Variants in UNC13C observed in about 807,000 individuals in gnomAD.
UNC13C encodes the protein unc-13 homolog C, also known as protein unc-13 homolog C.
A neutral mutation model predicts 245.4 loss-of-function variants in UNC13C; 174 were observed. The observed-to-expected ratio is 0.71, with a 90% CI of 0.63 to 0.80. UNC13C has a LOEUF of 0.80. UNC13C is among the 30% of genes least tolerant of loss of function. The probability of loss-of-function intolerance (pLI) is 0.00; values close to 1 mark genes in which losing one functional copy is unlikely to be tolerated. For missense variants in UNC13C, 2,829 were observed against 2,602.9 expected, an observed-to-expected ratio of 1.09 and a Z score of -1.89; for synonymous variants, 992 against 895.1, an observed-to-expected ratio of 1.11 and a Z score of -1.93.
chr15:54,426,250 T>G (rs963121018), intron 19 of UNC13C, among the ~76,000 whole-genome samples: 1 of 150,720 alleles, frequency 6.6e-6, no homozygotes, highest in African/African-American at 2.4e-5. Context: ...TCTTACAGGC[T>G]GAAATGAAAG....
At chr15:54,022,485 T>C (rs528660928) in intron 2 of UNC13C, among the ~76,000 whole-genome samples, 1 of 152,288 alleles carries the variant, frequency 6.6e-6, no homozygotes, top group Non-Finnish European at 1.5e-5. Flanking sequence ...CTTTGTGGTT[T>C]TAATTTGCAT....
chr15:54,217,221 G>C (rs1471943395), intron 4 of UNC13C, among the ~76,000 whole-genome samples: 1 of 150,184 alleles, frequency 6.7e-6, no homozygotes, highest in Non-Finnish European at 1.5e-5. Flanking sequence ...ACTTGGTGGA[G>C]TCATCTGTGA....
At chr15:53,900,474 T>C in the UNC13C span, among the ~76,000 whole-genome samples, 4 of 152,218 alleles carry the variant, frequency 2.6e-5, no homozygotes, top group Non-Finnish European at 4.4e-5. Flanking sequence ...GTTTATTTAC[T>C]GTAAACAATA....
rs1402213973 is a variant in UNC13C, at chr15:54,302,312, A to C, written c.4268+1939A>C. Among the ~76,000 whole-genome samples, 11 of 152,246 alleles carry C rather than the reference A, an allele frequency of 7.2e-5. No homozygotes were observed. In the East Asian group the frequency reaches 2.1e-3, roughly 29 times the overall value. ...TAGTTTAATTAGATCCCATTTGTCA[A>C]TTTTGGCTTTTGTTGCCACTGCTTT... On this transcript the variant is annotated intron_variant, in intron 13 of 32. Coordinates refer to ENST00000260323, the MANE Select transcript of UNC13C (RefSeq NM_001080534.3).
chr15:54,575,732 C>G (rs1596599090), intron 30 of UNC13C, among the ~76,000 whole-genome samples: 2 of 152,222 alleles, frequency 1.3e-5, no homozygotes, highest in South Asian at 2.1e-4. Context: ...ATTGGCTAAG[C>G]TTGTCAGAGA....
At chr15:54,605,221 G>A (rs1368905942) in intron 30 of UNC13C, among the ~76,000 whole-genome samples, 1 of 152,188 alleles carries the variant, frequency 6.6e-6, no homozygotes, top group Non-Finnish European at 1.5e-5. Context: ...TGAATGGCCC[G>A]TTAATCAGTC....
chr15:54,095,615 A>G (rs974256378), intron 2 of UNC13C, among the ~76,000 whole-genome samples: 2 of 152,208 alleles, frequency 1.3e-5, no homozygotes, highest in South Asian at 2.1e-4. Context: ...GTCTCATCCC[A>G]GACCTACTGA....
At chr15:53,977,322 G>A (rs1007919007), upstream of UNC13C, among the ~76,000 whole-genome samples, 5 of 152,090 alleles carry the variant, frequency 3.3e-5, no homozygotes, top group Non-Finnish European at 7.4e-5. Context: ...GAAATGTTTT[G>A]CCACAAGTTT....
chr15:53,961,276 T>A, the UNC13C span, among the ~76,000 whole-genome samples: 1 of 152,236 alleles, frequency 6.6e-6, no homozygotes, highest in Non-Finnish European at 1.5e-5. Flanking sequence ...GCCTTGGTGC[T>A]CTTATTCCTT....
At chr15:54,326,270 G>T (rs2038295600) in intron 14 of UNC13C, among the ~76,000 whole-genome samples, 1 of 152,056 alleles carries the variant, frequency 6.6e-6, no homozygotes, top group Admixed American at 6.6e-5. Flanking sequence ...GGTTGCAGAG[G>T]GGAAGGGGGT....
chr15:54,060,037 C>A (rs146189386), intron 2 of UNC13C, among the ~76,000 whole-genome samples: 2,137 of 152,224 alleles, frequency 0.014, 52 homozygotes, highest in African/African-American at 0.048. Flanking sequence ...TAGGCAATAC[C>A]ATTCAGGACA....
the UNC13C span, among the ~76,000 whole-genome samples, chr15:53,866,659 C>A: frequency 1.3e-5 from 2 of 152,144 alleles, no homozygotes; most frequent in Non-Finnish European, 2.9e-5. Flanking sequence ...CCAATCCAAT[C>A]GAATCTTCGA....
In UNC13C at chr15:54,338,486, C is replaced by T. The variant is rs769868024; in HGVS notation, c.4710C>T (p.Asp1570=). 19 of 1,612,376 alleles carry T rather than the reference C, an allele frequency of 1.2e-5. No individual in the cohort carries two copies. The South Asian group carries it at 2.0e-4, about 17-fold the overall frequency. ...ATGAACTCTACTCCCAGCTAACAGA[C>T]CCGGTAAGAAAATATGTATGTCTTT... is the stretch of plus-strand genomic sequence containing the variant. ...NCHELYSQLT[D]PSKKQDIPRE... Residue 1570 remains aspartate (D), a synonymous_variant, in exon 17 of 33, where the codon GAC becomes GAT. Coordinates refer to ENST00000260323, the MANE Select transcript of UNC13C (RefSeq NM_001080534.3).
At chr15:54,409,539 C>T (rs182198746) in intron 18 of UNC13C, among the ~76,000 whole-genome samples, 4,663 of 152,166 alleles carry the variant, frequency 0.031, 186 homozygotes, top group Admixed American at 0.12. Flanking sequence ...CCACCCTCCA[C>T]CCTCAAGGAG....
intron 20 of UNC13C, among the ~76,000 whole-genome samples, chr15:54,498,723 A>G (rs897194108): frequency 2.6e-5 from 4 of 152,186 alleles, no homozygotes; most frequent in African/African-American, 9.6e-5. Flanking sequence ...TTTTCAAGCA[A>G]CTATAAAATA....
At chr15:54,616,134 TTCTCAGCAACACAC>T (rs1900416497) in intron 30 of UNC13C, among the ~76,000 whole-genome samples, 2 of 152,182 alleles carry the variant, frequency 1.3e-5, no homozygotes, top group African/African-American at 4.8e-5. Context: ...TCTCATCAAT[TTCTCAGCAACACAC>T]TTCAGCAAAC....
rs1896460213 is a variant in UNC13C, at chr15:54,033,713, A to G, written c.2983+17827A>G. Among the ~76,000 whole-genome samples, 3 of 152,138 alleles carry G rather than the reference A, an allele frequency of 2.0e-5. No individual in the cohort carries two copies. The South Asian group carries it at 6.2e-4, about 32-fold the overall frequency. ...AAGCCAAAACCCAGAGATATTATGT[A>G]CCTGGGTAATTTTTAAATGTTAGGA... On this transcript the variant is annotated intron_variant, in intron 2 of 32. Transcript: ENST00000260323.
At position 54,098,338 on chromosome 15, in the gene UNC13C, C is replaced by T. The variant is rs557378254; in HGVS notation, c.2984-44680C>T. ...TACAGGCAAGTGCCACCACGCCTGG[C>T]TAATTTTTGTATTTTTAGTAGAGAC... On this transcript the variant is annotated intron_variant, in intron 2 of 32. Coordinates refer to ENST00000260323, the MANE Select transcript of UNC13C (RefSeq NM_001080534.3). 2.0e-5 allele frequency among the ~76,000 whole-genome samples: 3 copies of T among 152,212 alleles called. No homozygotes were observed. The South Asian group carries it at 6.2e-4, about 32-fold the overall frequency.
intron 2 of UNC13C, among the ~76,000 whole-genome samples, chr15:54,121,047 G>A (rs181796953): frequency 6.6e-6 from 1 of 152,246 alleles, no homozygotes; most frequent in Admixed American, 6.5e-5. Flanking sequence ...AAATTTAGTT[G>A]ATAAAGCAGC....
Sources: allele counts gnomAD v4.1 joint callset (sites outside exome capture counted in the v4.1 genomes callset), GRCh38; gene constraint gnomAD v4.1.1; transcripts MANE v1.5; gene names NCBI Gene and HGNC (gene_info 2026-07-23, HGNC 2026-07-21).